The following IL1RL1 variants were observed in gnomAD, a reference collection of about 807,000 sequenced individuals.
The protein encoded by IL1RL1 is interleukin 1 receptor like 1, also known as interleukin-1 receptor-like 1.
In IL1RL1, 32 loss-of-function variants were observed where a neutral mutation model predicts 50.9. The observed-to-expected ratio is 0.63, with a 90% CI of 0.47 to 0.84. IL1RL1 has a LOEUF of 0.84. IL1RL1 is among the 40% of genes least tolerant of loss of function. IL1RL1 has a pLI of 0.00. For synonymous variants in IL1RL1, 275 were observed against 236.0 expected, an observed-to-expected ratio of 1.17 and a Z score of -1.51; for missense variants, 773 against 662.9, an observed-to-expected ratio of 1.17 and a Z score of -1.82.
chr2:102,339,706 A>G (rs1480251111), intron 3 of IL1RL1, among the ~76,000 whole-genome samples: 1 of 152,226 alleles, frequency 6.6e-6, no homozygotes, highest in Non-Finnish European at 1.5e-5. Context: ...CATATAATGT[A>G]ATAATATATT....
At position 102,313,031 on chromosome 2, in the gene IL1RL1, G is replaced by T. The variant is rs570458015; in HGVS notation, c.-150+1408G>T. The T allele has an allele frequency of 2.6e-5, 4 of 151,796 alleles. No homozygotes were observed. The South Asian group carries it at 6.3e-4, about 24-fold the overall frequency. The allele number at this position is 151,796 out of a possible 1,614,324, so 9.4% of individuals were successfully genotyped here. A position where few individuals can be genotyped will look rare whatever the true frequency, so the allele number is the denominator to read the frequency against. On this transcript the variant is annotated intron_variant, in intron 1 of 10. Coordinates refer to ENST00000233954, the MANE Select transcript of IL1RL1 (RefSeq NM_016232.5). ...ATTGTGGACATAATCATCTAATTTT[G>T]GCTATTCCATGCAGAGGTTTGGAGA...
intron 1 of IL1RL1, among the ~76,000 whole-genome samples, chr2:102,334,705 T>TTTGTGAATTCC (rs1677265202): frequency 6.6e-6 from 1 of 152,058 alleles, no homozygotes; most frequent in African/African-American, 2.4e-5. Context: ...GACACTGGTT[T>TTTGTGAATTCC]ACAGTAAGAG....
In IL1RL1 at chr2:102,311,713, T is replaced by A. The variant is rs188078389; in HGVS notation, c.-150+90T>A. ...CGAATTTAGGTCATTATAACAATAA[T>A]ATTCATTGTTATATTATTATAACAT... On this transcript the variant is annotated intron_variant, in intron 1 of 10. Transcript: ENST00000233954. The A allele has an allele frequency of 5.6e-4, 76 of 134,904 alleles. 1 individual carries two copies. The East Asian group carries it at 0.014, about 25-fold the overall frequency. 8.4% of individuals were successfully genotyped at this position (134,904 alleles called of 1,614,324 possible).
At chr2:102,326,849 T>C (rs1057055494) in intron 1 of IL1RL1, among the ~76,000 whole-genome samples, 1 of 151,664 alleles carries the variant, frequency 6.6e-6, no homozygotes, top group African/African-American at 2.4e-5. Flanking sequence ...CCCAGATTCA[T>C]AAAGCAAGTC....
intron 1 of IL1RL1, chr2:102,337,434 C>T (rs1283869578): frequency 6.6e-6 from 1 of 152,164 alleles, no homozygotes; most frequent in Non-Finnish European, 1.5e-5. Context: ...TATGTTGGTT[C>T]TATTCTTCCC....
At chr2:102,329,639 C>T (rs1366505802) in intron 1 of IL1RL1, among the ~76,000 whole-genome samples, 1 of 152,036 alleles carries the variant, frequency 6.6e-6, no homozygotes, top group Admixed American at 6.6e-5. Context: ...AACAAATTTA[C>T]AAGAAAAAAA....
At chr2:102,331,035 C>G (rs1333218858) in intron 1 of IL1RL1, among the ~76,000 whole-genome samples, 1 of 152,148 alleles carries the variant, frequency 6.6e-6, no homozygotes, top group Non-Finnish European at 1.5e-5. Context: ...GCACTTTAAT[C>G]AAACATCAAT....
intron 10 of IL1RL1, among the ~76,000 whole-genome samples, chr2:102,349,840 T>C (rs1677881699): frequency 6.6e-6 from 1 of 152,220 alleles, no homozygotes; most frequent in African/African-American, 2.4e-5. Flanking sequence ...TACATTTATG[T>C]CCAGTACCTG....
At chr2:102,325,904 T>G (rs189742672) in intron 1 of IL1RL1, among the ~76,000 whole-genome samples, 4 of 152,220 alleles carry the variant, frequency 2.6e-5, no homozygotes, top group African/African-American at 9.6e-5. Flanking sequence ...ACAGGTAGAA[T>G]GGAACCAAGT....
chr2:102,351,839 A>C lies in IL1RL1; in HGVS notation c.1589A>C (p.His530Pro), dbSNP rs779804857. ...TCCCTGAATTCTAAATTCTGGAAGC[A>C]CGTGAGGTACCAAATGCCTGTGCCA... is the stretch of plus-strand genomic sequence containing the variant. The part of the protein sequence containing the change: ...KRSLNSKFWK[H>P]VRYQMPVPSK... The change falls in exon 11 of 11, where the codon CAC (histidine) becomes CCC (proline). Residue 530 changes from histidine (H) to proline (P), a missense_variant. Physicochemically the swap from His to Pro is moderately conservative, Grantham distance 77 (BLOSUM62 -2). Coordinates refer to ENST00000233954, the MANE Select transcript of IL1RL1 (RefSeq NM_016232.5). 2 of 1,614,004 alleles carry C rather than the reference A, an allele frequency of 1.2e-6. No individual in the cohort carries two copies. The highest frequency in any genetic ancestry group is 1.7e-6 in the Non-Finnish European group (2 of 1,179,914).
chr2:102,336,443 A>G (rs1559601319), intron 1 of IL1RL1, among the ~76,000 whole-genome samples: 1 of 152,136 alleles, frequency 6.6e-6, no homozygotes, highest in Non-Finnish European at 1.5e-5. Flanking sequence ...TTATATTATT[A>G]TATGGGTCTG....
intron 1 of IL1RL1, among the ~76,000 whole-genome samples, chr2:102,320,787 C>T (rs1676814295): frequency 6.6e-6 from 1 of 152,186 alleles, no homozygotes; most frequent in South Asian, 2.1e-4. Flanking sequence ...CCTGCACTTC[C>T]CCGCCCTGGT....
intron 1 of IL1RL1, among the ~76,000 whole-genome samples, chr2:102,337,790 G>A (rs1677382156): frequency 1.3e-5 from 2 of 152,018 alleles, no homozygotes; most frequent in Non-Finnish European, 2.9e-5. Context: ...AAAGTCTACT[G>A]AATTTTATGG....
intron 1 of IL1RL1, among the ~76,000 whole-genome samples, chr2:102,320,603 A>C (rs1419206713): frequency 6.6e-6 from 1 of 152,116 alleles, no homozygotes; most frequent in Non-Finnish European, 1.5e-5. Context: ...AACTAGTGTA[A>C]TCCTACTCTA....
chr2:102,341,794 G>T (rs1392217413), intron 5 of IL1RL1, among the ~76,000 whole-genome samples: 1 of 152,168 alleles, frequency 6.6e-6, no homozygotes. Context: ...ATTTCACTGA[G>T]GATGGGCCAC....
At chr2:102,352,085 T>G (rs1202665372), downstream of IL1RL1, 6 of 686,280 alleles carry the variant, frequency 8.7e-6, no homozygotes, top group African/African-American at 7.3e-5. Flanking sequence ...TCTGGGTGGA[T>G]GCAAAATGGC....
In IL1RL1 at chr2:102,340,207, A is replaced by G. The variant is rs1402341768; in HGVS notation, c.382A>G (p.Asn128Asp). 1.2e-6 allele frequency: 2 copies of G among 1,606,222 alleles called. No homozygotes were observed. Among genetic ancestry groups the G allele is most frequent in the East Asian group, 4.5e-5 (2 of 44,652 alleles). The change falls in exon 4 of 11, where the codon AAT becomes GAT. Residue 128 changes from asparagine to aspartate, a missense_variant. By Grantham distance (23) the Asn-to-Asp change is conservative. Transcript: ENST00000233954. The stretch of plus-strand genomic sequence containing the variant: ...TTCAACAGTATCTGGATCAGAAAAA[A>G]ATTCCAAAATTTATTGTCCTACCAT... The part of the protein sequence containing the change: ...MYSTVSGSEK[N>D]SKIYCPTIDL...
At chr2:102,327,050 C>T (rs1258354764) in intron 1 of IL1RL1, among the ~76,000 whole-genome samples, 4 of 152,214 alleles carry the variant, frequency 2.6e-5, no homozygotes, top group East Asian at 3.8e-4. Flanking sequence ...ACAGAATATA[C>T]ATTTTTTTCA....
intron 10 of IL1RL1, among the ~76,000 whole-genome samples, chr2:102,349,580 T>C (rs772525606): frequency 6.6e-6 from 1 of 152,170 alleles, no homozygotes; most frequent in Non-Finnish European, 1.5e-5. Flanking sequence ...GTCCATAAGA[T>C]TTGAAAGAGG....
Sources: allele counts gnomAD v4.1 joint callset (sites outside exome capture counted in the v4.1 genomes callset), GRCh38; gene constraint gnomAD v4.1.1; transcripts MANE v1.5; gene names NCBI Gene and HGNC (gene_info 2026-07-23, HGNC 2026-07-21).